Variants in MACO1 observed in about 807,000 individuals in gnomAD.
MACO1 encodes the protein macoilin 1.
A neutral mutation model predicts 78.7 loss-of-function variants in MACO1; 14 were observed. That is an observed-to-expected ratio of 0.18 (90% CI 0.12 to 0.28). The LOEUF is 0.28. Ranked by LOEUF, MACO1 falls within the 10% of genes least tolerant of loss-of-function variation. The pLI, the probability that MACO1 is intolerant of heterozygous loss-of-function variation, is 1.00. For missense variants in MACO1, 501 were observed against 799.0 expected (o/e 0.63, Z 4.50); for synonymous variants, 288 against 291.6 (o/e 0.99, Z 0.12).
At chr1:25,498,163 G>A in intron 10 of MACO1, 101 bp from the exon 11 acceptor site, 1 of 1,146,166 alleles carries the variant, frequency 8.7e-7, no homozygotes, top group South Asian at 1.4e-5. Context: ...TGAACCTGGA[G>A]CTGTTCACAC....
chr1:25,492,503 GA>G (rs921128301), intron 10 of MACO1, among the ~76,000 whole-genome samples: 2 of 152,028 alleles, frequency 1.3e-5, no homozygotes, highest in African/African-American at 4.8e-5. Context: ...GGCAGCAAGT[GA>G]AAAGCCCGGC....
At position 25,500,019 on chromosome 1, in the gene MACO1, AGT is replaced by A. The variant is rs2043572950; in HGVS notation, c.*1556_*1557del. Reference sequence around the variant, plus strand: ...CATCTTGTGTAATTGTCACCATGAAAGTGTTACTCAGAATTGTCATAGATTTT... The same window carrying A: ...CATCTTGTGTAATTGTCACCATGAAAGTTACTCAGAATTGTCATAGATTTT... On this transcript the variant is annotated 3_prime_UTR_variant, in exon 11 of 11. Coordinates refer to ENST00000374343, the MANE Select transcript of MACO1 (RefSeq NM_018202.6). 6.6e-6 allele frequency: 1 copy of A among 152,184 alleles called. No homozygotes were observed. Among genetic ancestry groups the A allele is most frequent in the East Asian group, 1.9e-4 (1 of 5,196 alleles). The allele number at this position is 152,184 out of a possible 1,614,324, so 9.4% of individuals were successfully genotyped here. A position where few individuals can be genotyped will look rare whatever the true frequency, so the allele number is the denominator to read the frequency against.
intron 4 of MACO1, among the ~76,000 whole-genome samples, chr1:25,455,525 A>G (rs1470674093): frequency 6.6e-6 from 1 of 152,234 alleles, no homozygotes; most frequent in Non-Finnish European, 1.5e-5. Flanking sequence ...CCACATTTAG[A>G]CTAATTATAA....
intron 6 of MACO1, among the ~76,000 whole-genome samples, chr1:25,482,713 T>A (rs2043391362): frequency 1.3e-5 from 2 of 152,148 alleles, no homozygotes; most frequent in South Asian, 4.1e-4. Flanking sequence ...GGCCTAATGG[T>A]GAAGAGAATG....
At chr1:25,441,952 T>G (rs2042977035) in intron 1 of MACO1, among the ~76,000 whole-genome samples, 3 of 152,214 alleles carry the variant, frequency 2.0e-5, no homozygotes, top group Admixed American at 6.5e-5. Context: ...GGCATTGTCT[T>G]TTTTCTGAGA....
At chr1:25,484,071 G>C in intron 6 of MACO1, 45 bp from the exon 7 acceptor site, 1 of 1,566,750 alleles carries the variant, frequency 6.4e-7, no homozygotes, top group Non-Finnish European at 8.6e-7. Context: ...CAGCTCTGTG[G>C]GTGCCCTCAC....
chr1:25,467,702 A>T (rs1413347697), intron 6 of MACO1, among the ~76,000 whole-genome samples: 1 of 151,172 alleles, frequency 6.6e-6, no homozygotes, highest in African/African-American at 2.4e-5. Flanking sequence ...AGTACCATTT[A>T]ATAAAACTGA....
chr1:25,483,663 T>G (rs917179628), intron 6 of MACO1, among the ~76,000 whole-genome samples: 5 of 152,192 alleles, frequency 3.3e-5, no homozygotes, highest in Non-Finnish European at 7.3e-5. Flanking sequence ...AGGCCCATGG[T>G]GGGACGCAGT....
intron 1 of MACO1, among the ~76,000 whole-genome samples, chr1:25,436,570 G>A (rs1198133743): frequency 6.6e-6 from 1 of 152,032 alleles, no homozygotes; most frequent in Admixed American, 6.6e-5. Context: ...TGCATAAGTA[G>A]GATGGTACAT....
chr1:25,438,500 C>G (rs2042939477), intron 1 of MACO1, among the ~76,000 whole-genome samples: 1 of 152,176 alleles, frequency 6.6e-6, no homozygotes, highest in Non-Finnish European at 1.5e-5. Flanking sequence ...AGCTGCAAGG[C>G]ACTATTGAAA....
chr1:25,453,333 A>G (rs908141881), intron 3 of MACO1, among the ~76,000 whole-genome samples: 5 of 150,820 alleles, frequency 3.3e-5, no homozygotes, highest in Non-Finnish European at 7.4e-5. Flanking sequence ...ATTTATCTCA[A>G]GACTCTTTTA....
chr1:25,489,151 T>G, intron 8 of MACO1, 22 bp from the exon 9 acceptor site: 1 of 1,610,264 alleles, frequency 6.2e-7, no homozygotes, highest in South Asian at 1.1e-5. Flanking sequence ...TCACTTTATT[T>G]CCTTCTCTTC....
At chr1:25,445,472 A>C (rs892467145) in intron 1 of MACO1, among the ~76,000 whole-genome samples, 1 of 152,178 alleles carries the variant, frequency 6.6e-6, no homozygotes, top group Non-Finnish European at 1.5e-5. Context: ...TTGAGGGTCA[A>C]ATGTTTCTGT....
intron 4 of MACO1, among the ~76,000 whole-genome samples, chr1:25,455,891 A>G (rs990182711): frequency 3.3e-5 from 5 of 152,060 alleles, no homozygotes; most frequent in Non-Finnish European, 5.9e-5. Flanking sequence ...AAATCAAATG[A>G]TGTCCTTGTG....
intron 6 of MACO1, among the ~76,000 whole-genome samples, chr1:25,481,053 G>C (rs1459658522): frequency 1.4e-5 from 2 of 145,112 alleles, no homozygotes; most frequent in East Asian, 4.0e-4. Context: ...TAGCTCATTG[G>C]ATTTTTACAT....
chr1:25,436,529 A>G (rs1054658834), intron 1 of MACO1, among the ~76,000 whole-genome samples: 2 of 152,136 alleles, frequency 1.3e-5, no homozygotes, highest in African/African-American at 4.8e-5. Context: ...AATTAAGTCC[A>G]GAAGAAAAAG....
At chr1:25,454,484 ATATATT>A in intron 4 of MACO1, 102 bp downstream of exon 4, 2 of 158,766 alleles carry the variant, frequency 1.3e-5, no homozygotes, top group Non-Finnish European at 2.0e-5. Context: ...ATATATATAT[ATATATT>A]TTTTTTTTTT....
chr1:25,492,492 G>C (rs886755662), intron 10 of MACO1, among the ~76,000 whole-genome samples: 2 of 152,074 alleles, frequency 1.3e-5, no homozygotes, highest in African/African-American at 4.8e-5. Context: ...TCCGGGGAGG[G>C]GGCAGCAAGT....
intron 1 of MACO1, among the ~76,000 whole-genome samples, chr1:25,434,768 G>T (rs1004509146): frequency 6.6e-6 from 1 of 152,126 alleles, no homozygotes; most frequent in Admixed American, 6.5e-5. Flanking sequence ...ATATTTCTAA[G>T]GTCCTTTGGT....
Sources: gnomAD v4.1 joint callset for allele counts (sites outside exome capture counted in the v4.1 genomes callset) on GRCh38, gnomAD v4.1.1 for gene constraint, MANE v1.5 for transcripts, NCBI Gene and HGNC (gene_info 2026-07-23, HGNC 2026-07-21) for gene names.